CCDC171: variants seen among roughly 807,000 people sequenced by gnomAD.
The protein encoded by CCDC171 is coiled-coil domain-containing protein 171.
Under a neutral mutation model 168.2 loss-of-function variants are expected in CCDC171, and 177 were observed. The ratio of observed to expected loss-of-function variants is 1.05; its 90% confidence interval spans 0.93 to 1.19. CCDC171 has a LOEUF of 1.19. Among genes scored for constraint, CCDC171 ranks in the 50% most tolerant of loss-of-function variants. The probability of loss-of-function intolerance (pLI) is 0.00; values close to 1 mark genes in which losing one functional copy is unlikely to be tolerated. For missense variants in CCDC171, 1,991 were observed against 1,539.0 expected (o/e 1.29, Z -4.91); for synonymous variants, 687 against 540.8 (o/e 1.27, Z -3.75).
chr9:16,103,625 A>G, the CCDC171 span, among the ~76,000 whole-genome samples: 1 of 152,204 alleles, frequency 6.6e-6, no homozygotes, highest in Admixed American at 6.5e-5. Flanking sequence ...GACCTGTTAG[A>G]AATCCCTTCT....
rs200332776 is a variant in CCDC171 at position 15,721,816 on chromosome 9, G to A, written c.1366G>A (p.Glu456Lys). 4.5e-6 allele frequency: 7 copies of A among 1,568,848 alleles called. No individual in the cohort carries two copies. The highest frequency in any genetic ancestry group is 6.1e-6 in the Non-Finnish European group (7 of 1,156,822). Residue 456 changes from glutamate to lysine, a missense_variant, in exon 12 of 26, where the codon GAG becomes AAG. Coordinates refer to ENST00000380701, the MANE Select transcript of CCDC171 (RefSeq NM_173550.4). Reference protein sequence around the residue: ...DKPPSFSVVLERLRRTLTDYQ... With the variant: ...DKPPSFSVVLKRLRRTLTDYQ... ...ACCTCCCAGCTTCTCTGTTGTCCTT[G>A]AGAGATTGAGGCGTACCTTGACAGA...
At chr9:15,719,523 T>C (rs2053334574) in intron 11 of CCDC171, among the ~76,000 whole-genome samples, 1 of 151,414 alleles carries the variant, frequency 6.6e-6, no homozygotes, top group Non-Finnish European at 1.5e-5. Context: ...TACAAGAAGG[T>C]TATAGAACAC....
intron 18 of CCDC171, among the ~76,000 whole-genome samples, chr9:15,746,660 C>T (rs776272223): frequency 9.2e-5 from 14 of 152,168 alleles, no homozygotes; most frequent in South Asian, 4.1e-4. Flanking sequence ...GGAACAGCTC[C>T]GGTCTGCAAC....
chr9:15,940,266 G>A (rs1477965036), intron 25 of CCDC171, among the ~76,000 whole-genome samples: 4 of 151,816 alleles, frequency 2.6e-5, no homozygotes, highest in Non-Finnish European at 5.9e-5. Flanking sequence ...GTAATATACT[G>A]AAGCATGGAT....
At chr9:15,813,202 A>C (rs567960852) in intron 21 of CCDC171, among the ~76,000 whole-genome samples, 1 of 152,348 alleles carries the variant, frequency 6.6e-6, no homozygotes, top group East Asian at 1.9e-4. Context: ...TTCTTACTTA[A>C]ATATTGGTTA....
In CCDC171 at chr9:15,971,739, C is replaced by A. The variant is rs1020240155; in HGVS notation, c.3884C>A (p.Thr1295Lys). 3 of 1,613,744 alleles carry A rather than the reference C, an allele frequency of 1.9e-6. No individual in the cohort carries two copies. In the African/African-American group the frequency reaches 4.0e-5, roughly 22 times the overall value. ...ACTACTTACACTTTCTTAAAGGAGA[C>A]ATTTATAAATACTGTGCCCCATGCT... ...LDTTYTFLKETFINTVPHALT... is the reference protein window; with the variant it reads ...LDTTYTFLKEKFINTVPHALT... Residue 1295 changes from threonine to lysine, a missense_variant, in exon 26 of 26, where the codon ACA (threonine) becomes AAA (lysine). Thr to Lys is a moderately conservative substitution (Grantham distance 78). Transcript: ENST00000380701.
At chr9:15,750,846 G>A (rs1050763321) in intron 18 of CCDC171, among the ~76,000 whole-genome samples, 3 of 152,296 alleles carry the variant, frequency 2.0e-5, no homozygotes, top group South Asian at 4.1e-4. Context: ...AAAGCTGGAA[G>A]CATTCCCTTT....
At chr9:15,800,044 C>T (rs905595192) in intron 21 of CCDC171, among the ~76,000 whole-genome samples, 5 of 152,054 alleles carry the variant, frequency 3.3e-5, no homozygotes, top group Admixed American at 6.6e-5. Context: ...GCTTCCAAAT[C>T]TTGGCTATTG....
rs764442158 is a variant in CCDC171, at chr9:15,744,462, G to A, written c.2239G>A (p.Ala747Thr). Residue 747 changes from alanine to threonine, a missense_variant, in exon 17 of 26, where the codon GCC (alanine) becomes ACC (threonine). By Grantham distance (58) the Ala-to-Thr change is moderately conservative (BLOSUM62 0). Coordinates refer to ENST00000380701, the MANE Select transcript of CCDC171 (RefSeq NM_173550.4). ...ATATCCCCTCTATAGCCGATCATGCGCCTTGTCTACACAGAGAGATTTTCT... is the reference window on the plus strand; with the variant it reads ...ATATCCCCTCTATAGCCGATCATGCACCTTGTCTACACAGAGAGATTTTCT... ...ALYPLYSRSC[A>T]LSTQRDFLQE... is the part of the protein sequence containing the mutation. 9.3e-6 allele frequency: 15 copies of A among 1,613,926 alleles called. No homozygotes were observed. The highest frequency in any genetic ancestry group is 1.6e-4 in the Middle Eastern group (1 of 6,080).
intron 11 of CCDC171, among the ~76,000 whole-genome samples, chr9:15,715,439 G>T (rs7851240): frequency 0.013 from 1,903 of 152,230 alleles, 60 homozygotes; most frequent in African/African-American, 0.042. Flanking sequence ...CTTTTAAAAT[G>T]AAAACAGAAT....
rs540329598 is a variant in CCDC171, at chr9:15,959,241, C to G, written c.3754-12368C>G. On this transcript the variant is annotated intron_variant, in intron 25 of 25. Coordinates refer to ENST00000380701, the MANE Select transcript of CCDC171 (RefSeq NM_173550.4). Reference sequence around the variant, plus strand: ...ATTAACTAAAGGTGGCATATCTCTACCTTACGATGTGGCCTTTCCATCCAT... The same window carrying G: ...ATTAACTAAAGGTGGCATATCTCTAGCTTACGATGTGGCCTTTCCATCCAT... Among the ~76,000 whole-genome samples, 170 of 152,270 alleles carry G rather than the reference C, an allele frequency of 1.1e-3. 1 individual carries two copies. Among genetic ancestry groups the G allele is most frequent in the African/African-American group, 4.0e-3 (167 of 41,550 alleles).
Position 16,021,627 on chromosome 9 carries a change from A to C in CCDC171, n.575-705A>C, listed in dbSNP as rs1047032936. Among the ~76,000 whole-genome samples the C allele has an allele frequency of 4.7e-4, 71 of 152,216 alleles. 5 individuals are homozygous for C. The highest frequency in any genetic ancestry group is 1.5e-5 in the Non-Finnish European group (1 of 68,048). On this transcript the variant is annotated intron_variant and non_coding_transcript_variant, in intron 4 of 9. Transcript: ENST00000486641. Reference sequence around the variant, plus strand: ...CTCTTACTTGAAAAATGGAGGAAATAAATGTCTCATAAATTTGTAGTGGTT... The same window carrying C: ...CTCTTACTTGAAAAATGGAGGAAATCAATGTCTCATAAATTTGTAGTGGTT...
chr9:15,598,015 G>A (rs560208123), intron 6 of CCDC171, among the ~76,000 whole-genome samples: 20 of 152,080 alleles, frequency 1.3e-4, no homozygotes, highest in African/African-American at 4.8e-4. Flanking sequence ...TTTTTATTGT[G>A]TCTATTTGAT....
At chr9:15,644,590 A>T (rs2046888605) in intron 7 of CCDC171, among the ~76,000 whole-genome samples, 1 of 152,154 alleles carries the variant, frequency 6.6e-6, no homozygotes, top group Non-Finnish European at 1.5e-5. Context: ...ACACCAGGAG[A>T]TTATATCCCG....
chr9:15,776,941 C>G (rs2057358552), intron 18 of CCDC171, among the ~76,000 whole-genome samples: 1 of 152,126 alleles, frequency 6.6e-6, no homozygotes. Flanking sequence ...TTAAGACCTA[C>G]CTAGCAGAGG....
chr9:16,084,581 A>T, the CCDC171 span, among the ~76,000 whole-genome samples: 1 of 152,296 alleles, frequency 6.6e-6, no homozygotes, highest in African/African-American at 2.4e-5. Context: ...AAAGTATACT[A>T]TTTGAACCCA....
chr9:15,674,709 A>C (rs568608152), intron 9 of CCDC171, among the ~76,000 whole-genome samples: 2 of 152,342 alleles, frequency 1.3e-5, no homozygotes, highest in Non-Finnish European at 2.9e-5. Flanking sequence ...GTTTGATTGC[A>C]CTGTGGTCTG....
the CCDC171 span, among the ~76,000 whole-genome samples, chr9:16,105,844 G>A: frequency 0.019 from 2,890 of 152,300 alleles, 56 homozygotes; most frequent in Middle Eastern, 0.034. Flanking sequence ...GTATTTCTGG[G>A]CATGTGTGTA....
rs371508341 is a variant in CCDC171 at position 15,888,949 on chromosome 9, C to CTTTTTTTTTTTTTT, written c.3600+14299_3600+14312dup. The CTTTTTTTTTTTTTT allele has an allele frequency of 2.0e-3, 143 of 73,324 alleles. 17 individuals carry two copies. Among genetic ancestry groups the CTTTTTTTTTTTTTT allele is most frequent in the East Asian group, 4.3e-3 (9 of 2,084 alleles). The allele number at this position is 73,324 out of a possible 1,614,324, so 4.5% of individuals were successfully genotyped here. A position where few individuals can be genotyped will look rare whatever the true frequency, so the allele number is the denominator to read the frequency against. ...ATGGTATATGCCTCATTTTTCTTTT[C>CTTTTTTTTTTTTTT]TTTTTTTTTTTTTTTTTTTTTTTTT... On this transcript the variant is annotated intron_variant, in intron 24 of 25. Coordinates refer to ENST00000380701, the MANE Select transcript of CCDC171 (RefSeq NM_173550.4).
Sources: gnomAD v4.1 joint callset for allele counts (sites outside exome capture counted in the v4.1 genomes callset) on GRCh38, gnomAD v4.1.1 for gene constraint, MANE v1.5 for transcripts, NCBI Gene and HGNC (gene_info 2026-07-23, HGNC 2026-07-21) for gene names.